The following CDK11A variants were observed in gnomAD, a reference collection of about 807,000 sequenced individuals.
The protein encoded by CDK11A is cyclin-dependent kinase 11A.
In CDK11A, 55 loss-of-function variants were observed where a neutral mutation model predicts 83.6. The observed-to-expected ratio is 0.66, with a 90% CI of 0.53 to 0.82. CDK11A has a LOEUF of 0.82. Ranked by LOEUF, CDK11A falls within the 40% of genes least tolerant of loss-of-function variation. CDK11A has a pLI of 0.00. For missense variants in CDK11A, 564 were observed against 810.1 expected, an observed-to-expected ratio of 0.70 and a Z score of 3.69; for synonymous variants, 247 against 302.7, an observed-to-expected ratio of 0.82 and a Z score of 1.91.
chr1:1,704,431 G>A (rs1179079631), intron 14 of CDK11A, 87 bp from the exon 15 acceptor site: 1 of 1,553,976 alleles, frequency 6.4e-7, no homozygotes, highest in Non-Finnish European at 8.7e-7. Flanking sequence ...CAGCAACAGA[G>A]GCTTCTCAGG....
At chr1:1,704,862 A>G in intron 13 of CDK11A, 42 bp downstream of exon 13, 4 of 1,607,344 alleles carry the variant, frequency 2.5e-6, no homozygotes, top group Non-Finnish European at 3.4e-6. Flanking sequence ...CCTGTCGGAA[A>G]AGCCTTCCAC....
rs1379596941 is a variant in CDK11A, at chr1:1,702,465, C to CT, written c.*441dup. The stretch of plus-strand genomic sequence containing the variant: ...GTCGAGTCTGCTGGCACAGCTGGGG[C>CT]TGGGGGTTGGGGGCCGGGGGCCTGT... On this transcript the variant is annotated 3_prime_UTR_variant, in exon 20 of 20. Coordinates refer to ENST00000404249, the MANE Select transcript of CDK11A (RefSeq NM_024011.4). 8.4e-6 allele frequency among the ~76,000 whole-genome samples: 1 copy of CT among 119,032 alleles called. No homozygotes were observed. Among genetic ancestry groups the CT allele is most frequent in the Non-Finnish European group, 1.9e-5 (1 of 52,762 alleles). 78.1% of individuals were successfully genotyped at this position (119,032 alleles called of 152,430 possible). A position where few individuals can be genotyped will look rare whatever the true frequency, so the allele number is the denominator to read the frequency against.
rs1443818628 is a variant in CDK11A, at chr1:1,723,522, A to C, written c.-13-691T>G. On this transcript the variant is annotated intron_variant, in intron 1 of 19. Coordinates refer to ENST00000404249, the MANE Select transcript of CDK11A (RefSeq NM_024011.4). Reference sequence around the variant, plus strand: ...AAAAAAAAAAAAAAAAAAAAAAAAAAACAAGAATGATAAGTTGTAAGCCAG... The same window carrying C: ...AAAAAAAAAAAAAAAAAAAAAAAAACACAAGAATGATAAGTTGTAAGCCAG... Among the ~76,000 whole-genome samples, 3 of 55,798 alleles carry C rather than the reference A, an allele frequency of 5.4e-5. 1 individual carries two copies. The highest frequency in any genetic ancestry group is 1.8e-4 in the Non-Finnish European group (3 of 16,588). 36.6% of individuals were successfully genotyped at this position (55,798 alleles called of 152,430 possible). A position where few individuals can be genotyped will look rare whatever the true frequency, so the allele number is the denominator to read the frequency against.
rs200649303 is a variant in CDK11A, at chr1:1,703,930, G to A, written c.1805C>T (p.Thr602Met). ...ELLLGAKEYS[T>M]AVDMWSVGCI... ...GCCCACTGACCACATGTCCACGGCC[G>A]TGGAGTATTCCTAAGACGCCAGGAG... The change falls in exon 17 of 20, where the codon ACG becomes ATG. Residue 602 changes from threonine (T) to methionine (M), a missense_variant. Thr to Met is a moderately conservative substitution (Grantham distance 81, BLOSUM62 -1). Around this residue, in one of 5 missense-constraint regions of CDK11A, gnomAD observed 361 missense variants for 402.7 expected, o/e 0.90. Transcript: ENST00000404249. 9.9e-6 allele frequency: 16 copies of A among 1,609,622 alleles called. 1 individual carries two copies. The African/African-American group carries it at 1.5e-4, about 15-fold the overall frequency.
In CDK11A at chr1:1,708,241, T is replaced by C; in HGVS notation, c.1008A>G (p.Glu336=). Reference sequence around the variant, plus strand: ...CTTCACTCATTTCTTCCTCACTTACTTCTTCTGCAAGAGAAAGGAGGCGTC... The same window carrying C: ...CTTCACTCATTTCTTCCTCACTTACCTCTTCTGCAAGAGAAAGGAGGCGTC... ...SEEASEQSAE[E]VSEEEMSEDE... The change falls in exon 10 of 20, where the codon GAA becomes GAG. Residue 336 remains glutamate (E), a synonymous_variant. Coordinates refer to ENST00000404249, the MANE Select transcript of CDK11A (RefSeq NM_024011.4). 2 of 1,543,156 alleles carry C rather than the reference T, an allele frequency of 1.3e-6. No individual in the cohort carries two copies. Among genetic ancestry groups the C allele is most frequent in the Non-Finnish European group, 1.8e-6 (2 of 1,128,428 alleles).
chr1:1,704,440 G>A (rs777459301), intron 14 of CDK11A, 96 bp from the exon 15 acceptor site: 4 of 1,552,300 alleles, frequency 2.6e-6, no homozygotes, highest in South Asian at 2.4e-5. Context: ...AGGCTTCTCA[G>A]GGCTTTCCCT....
At chr1:1,716,794 G>A (rs367549216) in intron 4 of CDK11A, among the ~76,000 whole-genome samples, 11 of 92,070 alleles carry the variant, frequency 1.2e-4, no homozygotes, top group Non-Finnish European at 1.8e-4. Context: ...CAGCCTGGGC[G>A]AAAAAGTGAG....
intron 16 of CDK11A, 40 bp downstream of exon 16, chr1:1,703,999 C>T: frequency 1.2e-6 from 2 of 1,604,574 alleles, no homozygotes; most frequent in Non-Finnish European, 1.7e-6. Flanking sequence ...TGGGAGGCTG[C>T]ATGGGGGACA....
chr1:1,720,817 G>A (rs1177168863), intron 3 of CDK11A, among the ~76,000 whole-genome samples: 3 of 151,078 alleles, frequency 2.0e-5, no homozygotes, highest in Admixed American at 6.6e-5. Flanking sequence ...TCAGCCTCCT[G>A]AGTAGCTGGG....
intron 3 of CDK11A, among the ~76,000 whole-genome samples, chr1:1,720,072 T>C (rs1025447544): frequency 2.7e-5 from 4 of 150,634 alleles, no homozygotes; most frequent in Non-Finnish European, 4.4e-5. Flanking sequence ...TCACATCTTA[T>C]TTATTTAATT....
chr1:1,704,681 T>G (rs201517196), intron 13 of CDK11A, 26 bp from the exon 14 acceptor site: 2 of 1,595,752 alleles, frequency 1.3e-6, no homozygotes, highest in Non-Finnish European at 1.7e-6. Context: ...CTGTGGGTGC[T>G]GGGCACCTCC....
chr1:1,706,719 A>G (rs1463131188), intron 11 of CDK11A, among the ~76,000 whole-genome samples: 1 of 151,054 alleles, frequency 6.6e-6, no homozygotes, highest in Admixed American at 6.6e-5. Flanking sequence ...GATGTCACGT[A>G]CTCTGGGTGG....
intron 3 of CDK11A, among the ~76,000 whole-genome samples, 165 bp from the exon 4 acceptor site, chr1:1,719,620 T>TC (rs145763717): frequency 7.5e-5 from 10 of 134,012 alleles, no homozygotes; most frequent in Non-Finnish European, 1.5e-4. Context: ...GGCATCTTTT[T>TC]TTTTTTTTTT....
chr1:1,718,723 G>A (rs1206853828), intron 4 of CDK11A, among the ~76,000 whole-genome samples: 1 of 146,706 alleles, frequency 6.8e-6, no homozygotes, highest in Non-Finnish European at 1.5e-5. Flanking sequence ...TGCAAGCTCC[G>A]CCTCCCAGGT....
At position 1,707,356 on chromosome 1, in the gene CDK11A, G is replaced by A; in HGVS notation, c.1245+53C>T. On this transcript the variant is annotated intron_variant, in intron 11 of 19. Transcript: ENST00000404249. Reference sequence around the variant, plus strand: ...GGCCAGGCTTCGCTCAGCCCCTGTGGTAACTCCGACTGCCAATGCGGACAG... The same window carrying A: ...GGCCAGGCTTCGCTCAGCCCCTGTGATAACTCCGACTGCCAATGCGGACAG... 1.3e-6 allele frequency: 2 copies of A among 1,579,246 alleles called. 1 individual carries two copies.
intron 3 of CDK11A, 66 bp downstream of exon 3, chr1:1,721,530 C>T: frequency 1.3e-6 from 2 of 1,542,252 alleles, no homozygotes; most frequent in Non-Finnish European, 1.8e-6. Context: ...CACAGTGACC[C>T]TAGGAAGGAC....
chr1:1,704,023 G>C lies in CDK11A; in HGVS notation c.1794+16C>G. 6.3e-7 allele frequency: 1 copy of C among 1,597,944 alleles called. No individual in the cohort carries two copies. The highest frequency in any genetic ancestry group is 8.5e-7 in the Non-Finnish European group (1 of 1,170,326). ...GCATGGGGGACAGGGGAGGCACTCAGACGCCCAGGACTCACCTTGGCACCA... is the reference window on the plus strand; with the variant it reads ...GCATGGGGGACAGGGGAGGCACTCACACGCCCAGGACTCACCTTGGCACCA... On this transcript the variant is annotated intron_variant, in intron 16 of 19. Transcript: ENST00000404249.
chr1:1,717,908 C>G (rs1644736946), intron 4 of CDK11A, among the ~76,000 whole-genome samples: 1 of 149,916 alleles, frequency 6.7e-6, no homozygotes, highest in Non-Finnish European at 1.5e-5. Flanking sequence ...GGTTTTCAGT[C>G]TGTGACACAT....
At chr1:1,719,638 C>CTTGCTCTGTCACCCAGGCT (rs70937183) in intron 3 of CDK11A, among the ~76,000 whole-genome samples, 183 bp from the exon 4 acceptor site, 3 of 137,302 alleles carry the variant, frequency 2.2e-5, no homozygotes, top group Non-Finnish European at 3.1e-5. Flanking sequence ...TTTTTTTAGA[C>CTTGCTCTGTCACCCAGGCT]GGAGTCTCGC....
Sources: allele counts gnomAD v4.1 joint callset (sites outside exome capture counted in the v4.1 genomes callset), GRCh38; gene constraint gnomAD v4.1.1; regional missense constraint gnomAD v4.1.1; transcripts MANE v1.5; gene names NCBI Gene and HGNC (gene_info 2026-07-23, HGNC 2026-07-21).